Variants in CEP112 observed in about 807,000 individuals in gnomAD.
CEP112 encodes centrosomal protein of 112 kDa.
CEP112 carries 127 observed loss-of-function variants against 153.0 expected under a neutral mutation model. The ratio of observed to expected loss-of-function variants is 0.83; its 90% confidence interval spans 0.72 to 0.96. The LOEUF is 0.96. Ranked by LOEUF, CEP112 falls within the 40% of genes least tolerant of loss-of-function variation. CEP112 has a pLI of 0.00. For missense variants in CEP112, 1,089 were observed against 1,101.2 expected (o/e 0.99, Z 0.16); for synonymous variants, 358 against 374.4 (o/e 0.96, Z 0.51).
intron 19 of CEP112, among the ~76,000 whole-genome samples, chr17:65,909,191 A>C (rs544715275): frequency 6.6e-6 from 1 of 152,356 alleles, no homozygotes; most frequent in Admixed American, 6.5e-5. Flanking sequence ...ACCACAACAC[A>C]TTGAAAAGGG....
chr17:66,040,736 T>TC (rs1183581932), intron 12 of CEP112, among the ~76,000 whole-genome samples: 1 of 152,188 alleles, frequency 6.6e-6, no homozygotes, highest in East Asian at 1.9e-4. Flanking sequence ...GTGATCTGCC[T>TC]CCCTTGGCCT....
intron 21 of CEP112, among the ~76,000 whole-genome samples, chr17:65,799,979 T>C (rs1568032096): frequency 6.6e-6 from 1 of 152,208 alleles, no homozygotes; most frequent in Non-Finnish European, 1.5e-5. Context: ...AGGTGAGTCA[T>C]ACATAATTCC....
intron 20 of CEP112, among the ~76,000 whole-genome samples, chr17:65,859,524 C>T (rs1598802015): frequency 6.7e-6 from 1 of 148,860 alleles, no homozygotes; most frequent in Non-Finnish European, 1.5e-5. Flanking sequence ...TAAAATTAAA[C>T]AACAAAAATT....
At chr17:65,965,950 G>C (rs939451031) in intron 17 of CEP112, among the ~76,000 whole-genome samples, 7 of 152,038 alleles carry the variant, frequency 4.6e-5, no homozygotes, top group African/African-American at 1.4e-4. Context: ...AACAGGCAAA[G>C]GTCTGCTCCT....
intron 17 of CEP112, among the ~76,000 whole-genome samples, chr17:65,996,279 ACCC>A (rs1023328979): frequency 1.3e-5 from 2 of 149,692 alleles, no homozygotes; most frequent in South Asian, 2.1e-4. Context: ...AAGCCCAAAA[ACCC>A]CCCCATTATG....
chr17:66,076,438 C>T (rs1463022171), intron 8 of CEP112, among the ~76,000 whole-genome samples: 3 of 152,052 alleles, frequency 2.0e-5, no homozygotes, highest in Non-Finnish European at 4.4e-5. Flanking sequence ...GCCAGCCTTC[C>T]CTCACTTCCC....
intron 19 of CEP112, among the ~76,000 whole-genome samples, chr17:65,925,845 G>A (rs1322858287): frequency 2.0e-5 from 3 of 152,066 alleles, no homozygotes; most frequent in Non-Finnish European, 4.4e-5. Context: ...TTCTAAAAAC[G>A]ACTCAAGATG....
At position 65,906,802 on chromosome 17, in the gene CEP112, T is replaced by C. The variant is rs77326547; in HGVS notation, c.1981-4468A>G. On this transcript the variant is annotated intron_variant, in intron 19 of 26. Coordinates refer to ENST00000535342, the MANE Select transcript of CEP112 (RefSeq NM_001199165.4). ...GAGATTTCATATTGTATTGCTGTTA[T>C]GACATTTTGCTCAGGAAGCTGAGTG... Among the ~76,000 whole-genome samples, 396 of 152,342 alleles carry C rather than the reference T, an allele frequency of 2.6e-3. 1 individual carries two copies. The highest frequency in any genetic ancestry group is 7.8e-3 in the African/African-American group (326 of 41,592).
chr17:65,965,279 T>C (rs2062367381), intron 17 of CEP112, among the ~76,000 whole-genome samples: 1 of 152,186 alleles, frequency 6.6e-6, no homozygotes, highest in Non-Finnish European at 1.5e-5. Flanking sequence ...ATAAGGCACA[T>C]TGTTTTCAAT....
chr17:66,053,598 G>C (rs2066540450), intron 12 of CEP112, 138 bp downstream of exon 12: 1 of 756,446 alleles, frequency 1.3e-6, no homozygotes, highest in Non-Finnish European at 2.0e-6. Context: ...ACATAAATCT[G>C]TATGGAGTAG....
At chr17:66,023,126 A>C (rs1192028506) in intron 16 of CEP112, among the ~76,000 whole-genome samples, 6 of 152,180 alleles carry the variant, frequency 3.9e-5, no homozygotes, top group Non-Finnish European at 8.8e-5. Flanking sequence ...AAAAGCAAAA[A>C]GTTTAGAAAA....
At chr17:65,754,512 A>G (rs1319570404) in intron 21 of CEP112, among the ~76,000 whole-genome samples, 2 of 152,122 alleles carry the variant, frequency 1.3e-5, no homozygotes, top group African/African-American at 4.8e-5. Context: ...GGGAGGGTGA[A>G]GCAAGAGAAT....
At chr17:65,737,010 G>C (rs1016661969) in intron 23 of CEP112, among the ~76,000 whole-genome samples, 1 of 152,144 alleles carries the variant, frequency 6.6e-6, no homozygotes, top group Admixed American at 6.5e-5. Context: ...AAATGTGAGT[G>C]AAAGTCACTG....
chr17:65,958,975 G>A (rs2062099248), intron 18 of CEP112, among the ~76,000 whole-genome samples: 1 of 151,946 alleles, frequency 6.6e-6, no homozygotes, highest in South Asian at 2.1e-4. Context: ...AGCTGCAGAG[G>A]GGAGCTACCA....
intron 19 of CEP112, among the ~76,000 whole-genome samples, chr17:65,912,169 T>C (rs150279212): frequency 2.3e-3 from 344 of 152,258 alleles, no homozygotes; most frequent in African/African-American, 7.9e-3. Context: ...ACAAGCCAAG[T>C]AGTATTCCCA....
chr17:65,813,435 G>A (rs2056092546), intron 21 of CEP112, among the ~76,000 whole-genome samples: 1 of 152,220 alleles, frequency 6.6e-6, no homozygotes, highest in Non-Finnish European at 1.5e-5. Flanking sequence ...TAAAACCAAT[G>A]ATCTTGTGAA....
intron 4 of CEP112, among the ~76,000 whole-genome samples, chr17:66,164,240 T>C (rs2071832743): frequency 6.6e-6 from 1 of 152,192 alleles, no homozygotes; most frequent in Non-Finnish European, 1.5e-5. Context: ...TCAGCAAGTG[T>C]CCATTGTATA....
At chr17:66,120,313 G>A (rs2069513279) in intron 6 of CEP112, among the ~76,000 whole-genome samples, 2 of 152,048 alleles carry the variant, frequency 1.3e-5, no homozygotes, top group Admixed American at 1.3e-4. Flanking sequence ...CAATTCTCCT[G>A]CTTCGGCCTC....
chr17:66,173,415 T>C (rs796934541), intron 4 of CEP112, among the ~76,000 whole-genome samples: 1 of 152,210 alleles, frequency 6.6e-6, no homozygotes, highest in Admixed American at 6.5e-5. Flanking sequence ...TTAAAGACAT[T>C]GTTTAAGTCC....
Sources: allele counts gnomAD v4.1 joint callset (sites outside exome capture counted in the v4.1 genomes callset), GRCh38; gene constraint gnomAD v4.1.1; transcripts MANE v1.5; gene names NCBI Gene and HGNC (gene_info 2026-07-23, HGNC 2026-07-21).